KCNB2: variants seen among roughly 807,000 people sequenced by gnomAD.
KCNB2 encodes the protein delayed rectifier potassium channel protein.
In KCNB2, 15 loss-of-function variants were observed where a neutral mutation model predicts 61.5. The ratio of observed to expected loss-of-function variants is 0.24; its 90% CI spans 0.16 to 0.38. The LOEUF is 0.38. Ranked by LOEUF, KCNB2 falls within the 10% of genes least tolerant of loss-of-function variation. The pLI is 1.00. For synonymous variants in KCNB2, 457 were observed against 446.0 expected (o/e 1.02, Z -0.31); for missense variants, 828 against 1,125.2 (o/e 0.74, Z 3.78).
chr8:72,812,694 A>T (rs1033721359), intron 2 of KCNB2, among the ~76,000 whole-genome samples: 2 of 152,108 alleles, frequency 1.3e-5, no homozygotes, highest in African/African-American at 4.8e-5. Context: ...TATATTAATA[A>T]ATAGTCTAAT....
chr8:72,838,700 T>G (rs1234648858), intron 2 of KCNB2, among the ~76,000 whole-genome samples: 1 of 152,206 alleles, frequency 6.6e-6, no homozygotes, highest in Non-Finnish European at 1.5e-5. Context: ...TTACAGTTAC[T>G]GGATCTAAAT....
rs200846266 is a variant in KCNB2, at chr8:72,725,242, A to G, written c.579+156929A>G. Among the ~76,000 whole-genome samples, 3 of 151,998 alleles carry G rather than the reference A, an allele frequency of 2.0e-5. No homozygotes were observed. The East Asian group carries it at 5.8e-4, about 29-fold the overall frequency. ...CAAACAGGGTATTTGTGGTAAATGC[A>G]CATATTTTATTTCCTTTTCTGTCTA... On this transcript the variant is annotated intron_variant, in intron 2 of 2. Coordinates refer to ENST00000523207, the MANE Select transcript of KCNB2 (RefSeq NM_004770.3).
intron 2 of KCNB2, among the ~76,000 whole-genome samples, chr8:72,620,049 T>C (rs1348768179): frequency 6.6e-6 from 1 of 152,244 alleles, no homozygotes; most frequent in Non-Finnish European, 1.5e-5. Context: ...GATTGCATGC[T>C]GCAATAATAT....
chr8:72,718,779 G>T (rs918615567), intron 2 of KCNB2, among the ~76,000 whole-genome samples: 1 of 152,024 alleles, frequency 6.6e-6, no homozygotes, highest in Non-Finnish European at 1.5e-5. Flanking sequence ...AAACCTGTAC[G>T]TTGTGCGCAT....
chr8:72,725,715 C>T (rs563275607), intron 2 of KCNB2, among the ~76,000 whole-genome samples: 20 of 150,742 alleles, frequency 1.3e-4, no homozygotes, highest in African/African-American at 4.6e-4. Flanking sequence ...TTTCCAGCCC[C>T]GGTCCTTCTG....
intron 2 of KCNB2, among the ~76,000 whole-genome samples, chr8:72,729,654 C>G (rs1009150987): frequency 6.6e-6 from 1 of 152,150 alleles, no homozygotes; most frequent in Admixed American, 6.5e-5. Flanking sequence ...GAGGCCAACA[C>G]GGGTGGATCA....
rs560090859 is a variant in KCNB2, at chr8:72,652,037, A to G, written c.579+83724A>G. Among the ~76,000 whole-genome samples, 321 of 152,190 alleles carry G rather than the reference A, an allele frequency of 2.1e-3. 1 individual carries two copies. The highest frequency in any genetic ancestry group is 6.2e-3 in the Admixed American group (95 of 15,274). ...TTCCCTATGTCAACTTCTAAAGTCT[A>G]TAAATTTCATCTCCATAATCTACTT... On this transcript the variant is annotated intron_variant, in intron 2 of 2. Transcript: ENST00000523207.
chr8:72,547,445 A>C (rs1284965379), intron 1 of KCNB2, among the ~76,000 whole-genome samples: 1 of 152,234 alleles, frequency 6.6e-6, no homozygotes, highest in Non-Finnish European at 1.5e-5. Flanking sequence ...GAAAGGATTC[A>C]CCATTCTAGA....
At chr8:72,762,922 A>G (rs1808406161) in intron 2 of KCNB2, among the ~76,000 whole-genome samples, 1 of 148,842 alleles carries the variant, frequency 6.7e-6, no homozygotes. Flanking sequence ...AAATACTCAT[A>G]AACATACATA....
intron 2 of KCNB2, among the ~76,000 whole-genome samples, chr8:72,663,901 TGTTA>T (rs1272844106): frequency 6.6e-6 from 1 of 152,072 alleles, no homozygotes; most frequent in Non-Finnish European, 1.5e-5. Context: ...TTTGTCTGTT[TGTTA>T]GTGTAACATC....
At chr8:72,622,192 C>CT (rs1014546080) in intron 2 of KCNB2, among the ~76,000 whole-genome samples, 1 of 152,030 alleles carries the variant, frequency 6.6e-6, no homozygotes, top group Non-Finnish European at 1.5e-5. Context: ...TTTTCTGAGG[C>CT]TTTTTTTGTT....
intron 2 of KCNB2, among the ~76,000 whole-genome samples, chr8:72,858,790 C>T (rs994566135): frequency 2.6e-5 from 4 of 152,200 alleles, no homozygotes; most frequent in Non-Finnish European, 5.9e-5. Context: ...GAAAGTACAG[C>T]TTTTATTGTT....
At chr8:72,847,300 A>G (rs1464516308) in intron 2 of KCNB2, among the ~76,000 whole-genome samples, 2 of 152,332 alleles carry the variant, frequency 1.3e-5, no homozygotes, top group Non-Finnish European at 1.5e-5. Flanking sequence ...TTCCCTTAGG[A>G]AAACCAAGCA....
intron 1 of KCNB2, among the ~76,000 whole-genome samples, chr8:72,563,434 A>G (rs542411587): frequency 6.6e-6 from 1 of 152,192 alleles, no homozygotes; most frequent in East Asian, 1.9e-4. Context: ...AGATGTTTTT[A>G]TCTCCTGGAA....
chr8:72,543,491 G>A (rs2128976563), intron 1 of KCNB2, among the ~76,000 whole-genome samples: 1 of 152,292 alleles, frequency 6.6e-6, no homozygotes, highest in Middle Eastern at 3.4e-3. Context: ...GAGTGTGACA[G>A]CAGCAATTGC....
chr8:72,929,802 C>T (rs950205123), intron 2 of KCNB2, among the ~76,000 whole-genome samples: 2 of 151,940 alleles, frequency 1.3e-5, no homozygotes, highest in Non-Finnish European at 2.9e-5. Context: ...TTTTTTATTT[C>T]TTTTTTTATT....
At chr8:72,864,225 G>T (rs1805470626) in intron 2 of KCNB2, among the ~76,000 whole-genome samples, 1 of 152,148 alleles carries the variant, frequency 6.6e-6, no homozygotes, top group Admixed American at 6.5e-5. Flanking sequence ...GGACACAAAA[G>T]TCATTAAATG....
chr8:72,619,587 C>T (rs1467426277), intron 2 of KCNB2, among the ~76,000 whole-genome samples: 1 of 151,146 alleles, frequency 6.6e-6, no homozygotes, highest in Non-Finnish European at 1.5e-5. Context: ...CCTGGGGCTC[C>T]ATAGCTGCCA....
At chr8:72,828,707 G>A (rs186620013) in intron 2 of KCNB2, among the ~76,000 whole-genome samples, 190 of 152,188 alleles carry the variant, frequency 1.2e-3, no homozygotes, top group African/African-American at 3.7e-3. Flanking sequence ...TTTCCAAGCC[G>A]TCTAAGAATG....
Sources: gnomAD v4.1 joint callset for allele counts (sites outside exome capture counted in the v4.1 genomes callset) on GRCh38, gnomAD v4.1.1 for gene constraint, MANE v1.5 for transcripts, NCBI Gene and HGNC (gene_info 2026-07-23, HGNC 2026-07-21) for gene names.